SUGCT: variants seen among roughly 807,000 people sequenced by gnomAD.
SUGCT encodes succinyl-CoA:glutarate CoA-transferase.
A neutral mutation model predicts 55.0 loss-of-function variants in SUGCT; 41 were observed. The observed-to-expected ratio is 0.74, with a 90% confidence interval of 0.58 to 0.97. SUGCT has a LOEUF of 0.97. Ranked by LOEUF, SUGCT falls within the 50% of genes least tolerant of loss-of-function variation. The pLI, the probability that SUGCT is intolerant of heterozygous loss-of-function variation, is 0.00. For synonymous variants in SUGCT, 187 were observed against 200.4 expected, an observed-to-expected ratio of 0.93 and a Z score of 0.56; for missense variants, 568 against 547.8, an observed-to-expected ratio of 1.04 and a Z score of -0.37.
intron 9 of SUGCT, among the ~76,000 whole-genome samples, chr7:40,423,038 A>G (rs1787395673): frequency 6.6e-6 from 1 of 152,256 alleles, no homozygotes; most frequent in African/African-American, 2.4e-5. Flanking sequence ...TAATTTTATT[A>G]TCAGTTTCAA....
chr7:40,838,512 A>T (rs1191022857), intron 13 of SUGCT, among the ~76,000 whole-genome samples: 1 of 152,170 alleles, frequency 6.6e-6, no homozygotes, highest in Admixed American at 6.5e-5. Context: ...GTTTGGAGTA[A>T]TTGGAAGGAG....
intron 9 of SUGCT, among the ~76,000 whole-genome samples, chr7:40,367,670 G>A (rs1474125667): frequency 2.6e-5 from 4 of 152,036 alleles, no homozygotes; most frequent in African/African-American, 7.3e-5. Flanking sequence ...TTTAACTAAG[G>A]CAAACACATC....
intron 12 of SUGCT, among the ~76,000 whole-genome samples, chr7:40,579,014 C>T (rs77700228): frequency 1.5e-3 from 224 of 152,258 alleles, no homozygotes; most frequent in African/African-American, 4.9e-3. Flanking sequence ...GTATTGAGTA[C>T]CGTGCTTGGC....
At chr7:40,242,986 C>A (rs1789560734) in intron 7 of SUGCT, among the ~76,000 whole-genome samples, 2 of 105,236 alleles carry the variant, frequency 1.9e-5, no homozygotes, top group Admixed American at 1.4e-4. Flanking sequence ...ACTCTGTTGC[C>A]CAGGCTGGTG....
intron 9 of SUGCT, among the ~76,000 whole-genome samples, chr7:40,361,829 G>T (rs913402583): frequency 6.6e-6 from 1 of 150,740 alleles, no homozygotes; most frequent in Non-Finnish European, 1.5e-5. Context: ...AGCAGTCATG[G>T]TTTTTTTTTC....
At chr7:40,382,004 C>CGTGTGT (rs750263458) in intron 9 of SUGCT, among the ~76,000 whole-genome samples, 4 of 149,816 alleles carry the variant, frequency 2.7e-5, no homozygotes, top group Non-Finnish European at 5.9e-5. Context: ...CATCAAGGGA[C>CGTGTGT]GTGTGTGTGT....
chr7:40,904,955 A>C, the SUGCT span, among the ~76,000 whole-genome samples: 9 of 152,312 alleles, frequency 5.9e-5, no homozygotes, highest in Admixed American at 3.3e-4. Context: ...AGTTTGCCTG[A>C]AAACAAGTGG....
intron 9 of SUGCT, among the ~76,000 whole-genome samples, chr7:40,338,506 A>G (rs908465963): frequency 1.6e-4 from 24 of 151,992 alleles, no homozygotes; most frequent in Admixed American, 6.6e-5. Context: ...TTTGATCTTC[A>G]ATCACTGATA....
At chr7:40,244,709 G>A (rs923658276) in intron 7 of SUGCT, among the ~76,000 whole-genome samples, 4 of 152,224 alleles carry the variant, frequency 2.6e-5, no homozygotes, top group South Asian at 2.1e-4. Context: ...AAAAGGCACC[G>A]TATTATTCTT....
intron 7 of SUGCT, among the ~76,000 whole-genome samples, chr7:40,270,084 C>T (rs754672802): frequency 1.8e-4 from 26 of 145,772 alleles, no homozygotes; most frequent in Non-Finnish European, 2.7e-4. Flanking sequence ...TGCAGTGAGC[C>T]GAGATTACAC....
intron 13 of SUGCT, among the ~76,000 whole-genome samples, chr7:40,805,968 T>C (rs1399332751): frequency 6.6e-6 from 1 of 152,162 alleles, no homozygotes; most frequent in East Asian, 1.9e-4. Context: ...CTCCTTGAAA[T>C]AGTGCGTGCA....
chr7:40,387,563 C>T (rs577762968), intron 9 of SUGCT, among the ~76,000 whole-genome samples: 7 of 152,210 alleles, frequency 4.6e-5, no homozygotes, highest in Admixed American at 3.3e-4. Context: ...TCAGGGCATT[C>T]GGGTTTATTT....
chr7:40,743,408 A>G (rs1053672242), intron 12 of SUGCT, among the ~76,000 whole-genome samples: 1 of 152,264 alleles, frequency 6.6e-6, no homozygotes, highest in Non-Finnish European at 1.5e-5. Context: ...AAAAAAATTC[A>G]GTAAATGTTA....
At chr7:40,603,078 T>C (rs1798367463) in intron 12 of SUGCT, among the ~76,000 whole-genome samples, 1 of 152,240 alleles carries the variant, frequency 6.6e-6, no homozygotes, top group African/African-American at 2.4e-5. Flanking sequence ...GAATTAAATA[T>C]ATTCTTCACT....
intron 9 of SUGCT, among the ~76,000 whole-genome samples, chr7:40,323,521 T>C (rs1481281090): frequency 1.3e-5 from 2 of 152,028 alleles, no homozygotes; most frequent in Admixed American, 6.6e-5. Context: ...TCCCGAGTAA[T>C]AGCTGGGACC....
At chr7:40,310,408 G>T (rs893495220) in intron 8 of SUGCT, among the ~76,000 whole-genome samples, 1 of 152,188 alleles carries the variant, frequency 6.6e-6, no homozygotes, top group Admixed American at 6.5e-5. Flanking sequence ...GAGCCAGGAT[G>T]ACTAAATACA....
intron 6 of SUGCT, among the ~76,000 whole-genome samples, chr7:40,205,892 C>T (rs2150778716): frequency 6.6e-6 from 1 of 152,196 alleles, no homozygotes; most frequent in Non-Finnish European, 1.5e-5. Context: ...AAAGAGATCG[C>T]CTGGGCCTAG....
chr7:40,751,004 C>G (rs1364299176), intron 13 of SUGCT, among the ~76,000 whole-genome samples: 4 of 152,250 alleles, frequency 2.6e-5, no homozygotes, highest in East Asian at 1.9e-4. Flanking sequence ...GATATAACAA[C>G]CAACAAATGT....
intron 5 of SUGCT, among the ~76,000 whole-genome samples, chr7:40,194,628 A>C (rs1253697727): frequency 1.3e-5 from 2 of 152,000 alleles, no homozygotes; most frequent in Non-Finnish European, 2.9e-5. Context: ...CTTACATTCT[A>C]ATTTTTCTAC....
Sources: allele counts gnomAD v4.1 joint callset (sites outside exome capture counted in the v4.1 genomes callset), GRCh38; gene constraint gnomAD v4.1.1; transcripts MANE v1.5; gene names NCBI Gene and HGNC (gene_info 2026-07-23, HGNC 2026-07-21).